The following SND1 variants were observed in gnomAD, a reference collection of about 807,000 sequenced individuals.
SND1 encodes staphylococcal nuclease domain-containing protein 1.
In SND1, 38 loss-of-function variants were observed where a neutral mutation model predicts 121.7. The ratio of observed to expected loss-of-function variants is 0.31; its 90% CI spans 0.24 to 0.41. The LOEUF (loss-of-function observed/expected upper bound fraction) is 0.41. SND1 is among the 10% of genes least tolerant of loss of function. The probability of loss-of-function intolerance (pLI) is 1.00; values close to 1 mark genes in which losing one functional copy is unlikely to be tolerated. For synonymous variants in SND1, 401 were observed against 447.4 expected (o/e 0.90, Z 1.31); for missense variants, 868 against 1,184.6 (o/e 0.73, Z 3.92).
chr7:127,761,185 C>A (rs1797299210), intron 10 of SND1, among the ~76,000 whole-genome samples: 1 of 152,150 alleles, frequency 6.6e-6, no homozygotes, highest in Non-Finnish European at 1.5e-5. Flanking sequence ...CATCTCATTA[C>A]AATTAAACTT....
rs1314214641 is a variant in SND1 at position 127,673,941 on chromosome 7, A to G, written c.79-12672A>G. On this transcript the variant is annotated intron_variant, in intron 1 of 23. Coordinates refer to ENST00000354725, the MANE Select transcript of SND1 (RefSeq NM_014390.4). ...CAACCCTGGAATCAGCTGTTTCTTC[A>G]AGAAGCCTTGGTTCTATTTAGCAGA... Among the ~76,000 whole-genome samples, 9 of 152,094 alleles carry G rather than the reference A, an allele frequency of 5.9e-5. 1 individual carries two copies. The East Asian group carries it at 1.5e-3, about 26-fold the overall frequency.
chr7:127,653,023 C>A (rs888359546), intron 1 of SND1, among the ~76,000 whole-genome samples: 2 of 152,180 alleles, frequency 1.3e-5, no homozygotes, highest in African/African-American at 4.8e-5. Flanking sequence ...CGGCAAGAAT[C>A]TTAGTAATCA....
intron 9 of SND1, among the ~76,000 whole-genome samples, chr7:127,716,559 C>A (rs1796394743): frequency 6.8e-6 from 1 of 146,550 alleles, no homozygotes; most frequent in Non-Finnish European, 1.5e-5. Flanking sequence ...GGCTTTATAT[C>A]CTGCTACTTC....
chr7:127,846,636 A>G (rs781139924), intron 12 of SND1, among the ~76,000 whole-genome samples: 14 of 152,216 alleles, frequency 9.2e-5, no homozygotes, highest in Non-Finnish European at 1.8e-4. Flanking sequence ...CTCTTCCTTT[A>G]TGAAGCATAA....
At chr7:127,711,213 A>C (rs1284491304) in intron 9 of SND1, among the ~76,000 whole-genome samples, 2 of 152,194 alleles carry the variant, frequency 1.3e-5, no homozygotes, top group Non-Finnish European at 2.9e-5. Context: ...GATTGGAGCT[A>C]GGATTGCTGG....
chr7:127,851,032 A>G (rs955870491), intron 12 of SND1, among the ~76,000 whole-genome samples: 1 of 152,196 alleles, frequency 6.6e-6, no homozygotes, highest in African/African-American at 2.4e-5. Context: ...GTGGCTGGCT[A>G]TCTATGGCAA....
At chr7:127,719,816 C>T (rs977099108) in intron 9 of SND1, among the ~76,000 whole-genome samples, 14 of 152,178 alleles carry the variant, frequency 9.2e-5, no homozygotes, top group African/African-American at 2.7e-4. Flanking sequence ...ATCCACCAGC[C>T]ATAGTAAACC....
chr7:127,899,277 A>AACACAC (rs3840645), intron 13 of SND1, among the ~76,000 whole-genome samples: 132 of 149,868 alleles, frequency 8.8e-4, no homozygotes, highest in Admixed American at 1.6e-3. Context: ...ACCTGCACAC[A>AACACAC]ACACACACAC....
intron 16 of SND1, among the ~76,000 whole-genome samples, chr7:128,059,016 G>A (rs745887155): frequency 6.6e-6 from 1 of 152,090 alleles, no homozygotes; most frequent in South Asian, 2.1e-4. Context: ...TTTCTCTAAT[G>A]TCTACTTGCA....
chr7:127,759,101 G>GATAA (rs58270366), intron 10 of SND1, among the ~76,000 whole-genome samples: 1 of 152,044 alleles, frequency 6.6e-6, no homozygotes, highest in East Asian at 1.9e-4. Context: ...TAGATAGATA[G>GATAA]GCAGGCAGGC....
In SND1 at chr7:127,743,476, C is replaced by G. The variant is rs17151245; in HGVS notation, c.1152+22076C>G. ...CTTTTACTTTCTAGCAAAATAGCCC[C>G]CAACGTTTTGGTAGCACTACATTTA... On this transcript the variant is annotated intron_variant, in intron 10 of 23. Transcript: ENST00000354725. Among the ~76,000 whole-genome samples, 643 of 152,324 alleles carry G rather than the reference C, an allele frequency of 4.2e-3. 7 individuals are homozygous for G. The highest frequency in any genetic ancestry group is 0.015 in the African/African-American group (618 of 41,580).
chr7:127,722,159 G>A (rs183933662), intron 10 of SND1, among the ~76,000 whole-genome samples: 33 of 152,168 alleles, frequency 2.2e-4, no homozygotes, highest in Non-Finnish European at 3.5e-4. Flanking sequence ...TGTTTTTGTC[G>A]TCTGATAACT....
At chr7:127,736,624 T>C (rs905070937) in intron 10 of SND1, among the ~76,000 whole-genome samples, 2 of 152,210 alleles carry the variant, frequency 1.3e-5, no homozygotes, top group African/African-American at 4.8e-5. Context: ...GTACCACAGA[T>C]ACATGTTCCC....
intron 14 of SND1, among the ~76,000 whole-genome samples, chr7:127,922,820 G>A (rs1429335814): frequency 6.6e-6 from 1 of 152,146 alleles, no homozygotes; most frequent in East Asian, 1.9e-4. Flanking sequence ...CTTTCTTCCA[G>A]CTTAATGCTC....
intron 10 of SND1, among the ~76,000 whole-genome samples, chr7:127,801,432 A>G (rs1387363442): frequency 6.6e-6 from 1 of 151,958 alleles, no homozygotes; most frequent in Non-Finnish European, 1.5e-5. Flanking sequence ...TTTCTTATCA[A>G]TTGTCCGTTA....
chr7:127,847,006 G>T (rs969896761), intron 12 of SND1, among the ~76,000 whole-genome samples: 1 of 151,894 alleles, frequency 6.6e-6, no homozygotes, highest in African/African-American at 2.4e-5. Flanking sequence ...GATGGCTCAT[G>T]CCTGTAATCC....
intron 3 of SND1, among the ~76,000 whole-genome samples, chr7:127,698,670 T>C (rs955761851): frequency 3.3e-5 from 5 of 152,142 alleles, no homozygotes; most frequent in East Asian, 1.9e-4. Flanking sequence ...GAGAAGAAGA[T>C]TGATAGAACT....
intron 16 of SND1, among the ~76,000 whole-genome samples, chr7:128,065,380 G>C (rs545837518): frequency 4.6e-5 from 7 of 152,210 alleles, no homozygotes; most frequent in Admixed American, 2.0e-4. Context: ...GGCCCCATTG[G>C]GGGGGTCACA....
At chr7:128,062,717 G>A (rs1448624470) in intron 16 of SND1, among the ~76,000 whole-genome samples, 1 of 152,056 alleles carries the variant, frequency 6.6e-6, no homozygotes, top group Non-Finnish European at 1.5e-5. Flanking sequence ...GGTGCTCCAC[G>A]TCCCCTTCCC....
Sources: allele counts gnomAD v4.1 joint callset (sites outside exome capture counted in the v4.1 genomes callset), GRCh38; gene constraint gnomAD v4.1.1; transcripts MANE v1.5; gene names NCBI Gene and HGNC (gene_info 2026-07-23, HGNC 2026-07-21).